Variants in HHAT observed in about 807,000 individuals in gnomAD.
HHAT encodes the protein hedgehog acyltransferase.
Under a neutral mutation model 70.8 loss-of-function variants are expected in HHAT, and 47 were observed. The observed-to-expected ratio is 0.66, with a 90% CI of 0.53 to 0.85. The LOEUF is 0.85. Among genes scored for constraint, HHAT ranks in the 40% least tolerant of loss-of-function variants. The probability of loss-of-function intolerance (pLI) is 0.00; values close to 1 mark genes in which losing one functional copy is unlikely to be tolerated. For synonymous variants in HHAT, 228 were observed against 247.6 expected (o/e 0.92, Z 0.74); for missense variants, 609 against 604.8 (o/e 1.01, Z -0.07).
At chr1:210,665,255 C>T (rs985906840) in intron 11 of HHAT, among the ~76,000 whole-genome samples, 15 of 152,268 alleles carry the variant, frequency 9.9e-5, no homozygotes, top group African/African-American at 3.4e-4. Flanking sequence ...ACTTTTGTTC[C>T]AACCTAATAT....
intron 11 of HHAT, among the ~76,000 whole-genome samples, chr1:210,658,889 T>C (rs1161878314): frequency 6.6e-6 from 1 of 152,104 alleles, no homozygotes; most frequent in Non-Finnish European, 1.5e-5. Flanking sequence ...TTGAAACCAG[T>C]GAGAACAAAG....
At chr1:210,623,427 G>T in intron 10 of HHAT, 99 bp from the exon 11 acceptor site, 2 of 1,348,828 alleles carry the variant, frequency 1.5e-6, no homozygotes, top group South Asian at 1.3e-5. Flanking sequence ...GGCTCTGTGG[G>T]GAGGCGTCCT....
chr1:210,513,037 T>C (rs2094986893), intron 8 of HHAT, 116 bp from the exon 9 acceptor site: 1 of 663,206 alleles, frequency 1.5e-6, no homozygotes, highest in Non-Finnish European at 2.6e-6. Flanking sequence ...AGAACTACTG[T>C]GGTAGAGCAA....
chr1:210,480,476 T>C (rs1002677139), intron 8 of HHAT, among the ~76,000 whole-genome samples: 3 of 152,188 alleles, frequency 2.0e-5, no homozygotes, highest in Non-Finnish European at 4.4e-5. Flanking sequence ...GCTGCAGCTA[T>C]TGATATGTAA....
At chr1:210,487,261 T>C (rs565892328) in intron 8 of HHAT, among the ~76,000 whole-genome samples, 2 of 152,182 alleles carry the variant, frequency 1.3e-5, no homozygotes, top group South Asian at 4.2e-4. Flanking sequence ...CATGAGGATG[T>C]GGTTTAAGGG....
chr1:210,566,119 G>A (rs1462177290), intron 9 of HHAT, among the ~76,000 whole-genome samples: 3 of 152,036 alleles, frequency 2.0e-5, no homozygotes, highest in Non-Finnish European at 2.9e-5. Flanking sequence ...CTACAATGTT[G>A]GTTTAGGTTC....
At chr1:210,505,638 C>G (rs775294652) in intron 8 of HHAT, among the ~76,000 whole-genome samples, 1 of 152,084 alleles carries the variant, frequency 6.6e-6, no homozygotes, top group African/African-American at 2.4e-5. Flanking sequence ...TTTTTGCCCC[C>G]AGCTGTGCAA....
intron 10 of HHAT, among the ~76,000 whole-genome samples, chr1:210,606,833 T>C (rs1665551367): frequency 6.6e-6 from 1 of 152,240 alleles, no homozygotes; most frequent in African/African-American, 2.4e-5. Flanking sequence ...TCCTAAGAAT[T>C]TTGAAGATAT....
At chr1:210,402,506 T>C (rs769138472) in intron 5 of HHAT, among the ~76,000 whole-genome samples, 2 of 152,178 alleles carry the variant, frequency 1.3e-5, no homozygotes, top group Non-Finnish European at 2.9e-5. Context: ...AAAGTACAGC[T>C]TAGACCTCAG....
At chr1:210,394,539 C>T (rs983554383) in intron 4 of HHAT, among the ~76,000 whole-genome samples, 1 of 152,108 alleles carries the variant, frequency 6.6e-6, no homozygotes, top group Non-Finnish European at 1.5e-5. Flanking sequence ...CCAAAAAATA[C>T]CCCCGTGTGA....
intron 11 of HHAT, among the ~76,000 whole-genome samples, chr1:210,661,140 A>T (rs989000193): frequency 1.3e-5 from 2 of 152,204 alleles, no homozygotes; most frequent in Admixed American, 1.3e-4. Context: ...AACCTACAGA[A>T]TGGGAGAAAA....
At chr1:210,655,624 A>T (rs1464871820) in intron 11 of HHAT, among the ~76,000 whole-genome samples, 1 of 152,232 alleles carries the variant, frequency 6.6e-6, no homozygotes, top group East Asian at 1.9e-4. Context: ...AGGTTCCCTC[A>T]GAGCAGGGTC....
chr1:210,402,868 G>T (rs894905318), intron 5 of HHAT, among the ~76,000 whole-genome samples: 2 of 152,136 alleles, frequency 1.3e-5, no homozygotes, highest in Non-Finnish European at 2.9e-5. Context: ...CACAGTGATG[G>T]GAAGGAACAT....
rs535761595 is a variant in HHAT, at chr1:210,524,659, C to A, written c.1043+11471C>A. Among the ~76,000 whole-genome samples, 5 of 152,226 alleles carry A rather than the reference C, an allele frequency of 3.3e-5. No individual in the cohort carries two copies. The South Asian group carries it at 1.0e-3, about 32-fold the overall frequency. ...GTTTTAAGTAGGGGAGTGACAGGAT[C>A]TGATTTACATTTTCAAAAGTCACTC... is the stretch of plus-strand genomic sequence containing the variant. On this transcript the variant is annotated intron_variant, in intron 9 of 11. Coordinates refer to ENST00000261458, the MANE Select transcript of HHAT (RefSeq NM_018194.6).
At chr1:210,514,621 C>G (rs2095022794) in intron 9 of HHAT, among the ~76,000 whole-genome samples, 1 of 152,096 alleles carries the variant, frequency 6.6e-6, no homozygotes, top group Admixed American at 6.5e-5. Context: ...AGTCACCTAT[C>G]AATGATTAGA....
At chr1:210,535,370 G>A (rs964448982) in intron 9 of HHAT, among the ~76,000 whole-genome samples, 40 of 152,108 alleles carry the variant, frequency 2.6e-4, no homozygotes, top group East Asian at 1.9e-4. Flanking sequence ...TTACTAGCCT[G>A]TTGCTCTAAC....
chr1:210,329,018 TG>T lies in HHAT; in HGVS notation c.-127del. On this transcript the variant is annotated 5_prime_UTR_variant, in exon 1 of 12. The change creates a premature stop within an existing upstream ORF in the 5' untranslated region. Transcript: ENST00000261458. ...AGCCCGCAGCCGCCGCCGATGTCGCTGGGACTCGGAAGTGCCGAAAGAGGGG... is the reference window on the plus strand; with the variant it reads ...AGCCCGCAGCCGCCGCCGATGTCGCTGGACTCGGAAGTGCCGAAAGAGGGG... 2 of 1,398,970 alleles carry T rather than the reference TG, an allele frequency of 1.4e-6. No individual in the cohort carries two copies. Among genetic ancestry groups the T allele is most frequent in the Non-Finnish European group, 1.9e-6 (2 of 1,076,636 alleles). The allele number at this position is 1,398,970 out of a possible 1,614,324, so 86.7% of individuals were successfully genotyped here.
chr1:210,336,218 C>T (rs537339659), intron 1 of HHAT, among the ~76,000 whole-genome samples: 14 of 151,376 alleles, frequency 9.2e-5, no homozygotes, highest in Non-Finnish European at 1.6e-4. Flanking sequence ...GACCTGGGCT[C>T]AAGCGATCCT....
intron 3 of HHAT, among the ~76,000 whole-genome samples, chr1:210,385,252 C>CTTTTTTTTTTTTTTTTT (rs55887436): frequency 7.2e-6 from 1 of 138,896 alleles, no homozygotes; most frequent in Non-Finnish European, 1.5e-5. Context: ...ATATGTTTTT[C>CTTTTTTTTTTTTTTTTT]TTTTTTTTTT....
Sources: allele counts gnomAD v4.1 joint callset (sites outside exome capture counted in the v4.1 genomes callset), GRCh38; gene constraint gnomAD v4.1.1; transcripts MANE v1.5; gene names NCBI Gene and HGNC (gene_info 2026-07-23, HGNC 2026-07-21).